MYH1: variants seen among roughly 807,000 people sequenced by gnomAD.
MYH1 encodes the protein myosin-1.
MYH1 carries 214 observed loss-of-function variants against 225.6 expected under a neutral mutation model. The observed-to-expected ratio is 0.95, with a 90% confidence interval of 0.85 to 1.06. The LOEUF (loss-of-function observed/expected upper bound fraction) is 1.06. MYH1 is among the 50% of genes least tolerant of loss of function. MYH1 has a pLI of 0.00. For missense variants in MYH1, 2,098 were observed against 2,344.2 expected (o/e 0.89, Z 2.17); for synonymous variants, 774 against 842.3 (o/e 0.92, Z 1.40).
At chr17:10,510,305 A>G (rs1427790274) in intron 14 of MYH1, among the ~76,000 whole-genome samples, 1 of 152,180 alleles carries the variant, frequency 6.6e-6, no homozygotes, top group Non-Finnish European at 1.5e-5. Context: ...TCAACAGCTA[A>G]TATTTGGTGA....
At chr17:10,509,427 A>G in intron 15 of MYH1, 58 bp downstream of exon 15, 1 of 1,604,210 alleles carries the variant, frequency 6.2e-7, no homozygotes, top group Non-Finnish European at 8.5e-7. Context: ...AGATTTTATG[A>G]TTTTCTTTTA....
At position 10,494,924 on chromosome 17, in the gene MYH1, G is replaced by C. The variant is rs1047715498; in HGVS notation, c.5466+7C>G. 3 of 1,613,988 alleles carry C rather than the reference G, an allele frequency of 1.9e-6. No individual in the cohort carries two copies. The Admixed American group carries it at 5.0e-5, about 27-fold the overall frequency. On this transcript the variant is annotated splice_region_variant and intron_variant, in intron 37 of 39. Transcript: ENST00000226207. ...AGATAGAAATACATGCTGATTAGGA[G>C]ACCCACCCTGGCCTCCAGTTTCTGG... is the stretch of plus-strand genomic sequence containing the variant.
chr17:10,512,385 C>G (rs780325326), intron 12 of MYH1, 23 bp downstream of exon 12: 32 of 1,613,914 alleles, frequency 2.0e-5, no homozygotes, highest in Non-Finnish European at 1.3e-5. Flanking sequence ...CTCATTAAAC[C>G]CAGATGGAGA....
chr17:10,492,700 G>T, intron 39 of MYH1, 132 bp from the exon 40 acceptor site: 1 of 1,032,834 alleles, frequency 9.7e-7, no homozygotes, highest in Non-Finnish European at 1.3e-6. Context: ...CTAGAGAAAT[G>T]CTCTTGAATT....
At chr17:10,495,586 C>T (rs920270644) in intron 35 of MYH1, among the ~76,000 whole-genome samples, 1 of 151,208 alleles carries the variant, frequency 6.6e-6, no homozygotes, top group Non-Finnish European at 1.5e-5. Flanking sequence ...ACGGTGAAAC[C>T]CCGTCTCCAC....
At position 10,496,333 on chromosome 17, in the gene MYH1, C is replaced by T. The variant is rs1160887737; in HGVS notation, c.4873G>A (p.Asp1625Asn). The T allele has an allele frequency of 6.2e-7, 1 of 1,613,922 alleles. No individual in the cohort carries two copies. Among genetic ancestry groups the T allele is most frequent in the Non-Finnish European group, 8.5e-7 (1 of 1,180,010 alleles). Reference protein sequence around the residue: ...AIRLKKKMEGDLNEMEIQLNH... With the variant: ...AIRLKKKMEGNLNEMEIQLNH... ...AGCTGGATTTCCATTTCATTGAGGT[C>T]TCCCTCCATCTTCTTCTTGAGCCTA... Residue 1625 changes from aspartate to asparagine, a missense_variant, in exon 34 of 40, where the codon GAC becomes AAC. Physicochemically the swap from Asp to Asn is conservative, Grantham distance 23 (BLOSUM62 1). Coordinates refer to ENST00000226207, the MANE Select transcript of MYH1 (RefSeq NM_005963.4).
chr17:10,500,456 A>G (rs1245737779), intron 28 of MYH1, among the ~76,000 whole-genome samples, 170 bp downstream of exon 28: 1 of 151,960 alleles, frequency 6.6e-6, no homozygotes, highest in Non-Finnish European at 1.5e-5. Context: ...TCTCTCGTAT[A>G]TATATGAAAG....
rs1374904630 is a variant in MYH1 at position 10,494,588 on chromosome 17, AC to A, written c.5551del (p.Val1851Ter). On this transcript the variant is annotated frameshift_variant, in exon 38 of 40. Coordinates refer to ENST00000226207, the MANE Select transcript of MYH1 (RefSeq NM_005963.4). LOFTEE classifies it high-confidence loss of function. ...CCTTACTTGGTAAGTGAGTTCCTTC[AC>A]TTTTCTCTCATGTTTGCGTAGACCC... is the stretch of plus-strand genomic sequence containing the variant. ...VKGLRKHERK[V>X]KELTYQTEED... The A allele has an allele frequency of 6.2e-7, 1 of 1,613,892 alleles. No homozygotes were observed. Among genetic ancestry groups the A allele is most frequent in the Non-Finnish European group, 8.5e-7 (1 of 1,179,972 alleles).
At position 10,512,667 on chromosome 17, in the gene MYH1, C is replaced by T; in HGVS notation, c.1008+14G>A. 2 of 1,613,052 alleles carry T rather than the reference C, an allele frequency of 1.2e-6. No homozygotes were observed. The highest frequency in any genetic ancestry group is 1.7e-6 in the Non-Finnish European group (2 of 1,179,076). Reference sequence around the variant, plus strand: ...GCATAATGGATTTTAAATTAAAATTCATGTATAACTTACATCTGTAGCCAT... The same window carrying T: ...GCATAATGGATTTTAAATTAAAATTTATGTATAACTTACATCTGTAGCCAT... On this transcript the variant is annotated intron_variant, in intron 11 of 39. Coordinates refer to ENST00000226207, the MANE Select transcript of MYH1 (RefSeq NM_005963.4).
chr17:10,511,887 C>T lies in MYH1; in HGVS notation c.1368G>A (p.Arg456=), dbSNP rs759413312. The change falls in exon 14 of 40, where the codon AGG becomes AGA. Residue 456 remains arginine (R), a synonymous_variant. Transcript: ENST00000226207. ...INQQLDTKQP[R]QYFIGVLDIA... ...TGTCCAAGACCCCAATGAAGTACTGCCTGGGCTGCTTGGTGTCCAGCTGCT... is the reference window on the plus strand; with the variant it reads ...TGTCCAAGACCCCAATGAAGTACTGTCTGGGCTGCTTGGTGTCCAGCTGCT... The T allele has an allele frequency of 1.9e-6, 3 of 1,614,192 alleles. No homozygotes were observed. Among genetic ancestry groups the T allele is most frequent in the Non-Finnish European group, 2.5e-6 (3 of 1,180,038 alleles).
chr17:10,494,558 A>G lies in MYH1; in HGVS notation c.5571+11T>C. The G allele has an allele frequency of 6.2e-7, 1 of 1,613,340 alleles. No homozygotes were observed. Reference sequence around the variant, plus strand: ...ACTAAAGTGAAAACCTAGACAGGCCATTTTCCTTACTTGGTAAGTGAGTTC... The same window carrying G: ...ACTAAAGTGAAAACCTAGACAGGCCGTTTTCCTTACTTGGTAAGTGAGTTC... On this transcript the variant is annotated intron_variant, in intron 38 of 39. Transcript: ENST00000226207.
intron 33 of MYH1, 105 bp downstream of exon 33, chr17:10,496,964 A>C (rs1487630138): frequency 6.8e-7 from 1 of 1,460,966 alleles, no homozygotes; most frequent in Non-Finnish European, 9.2e-7. Flanking sequence ...TCCCTAGTTC[A>C]TGGAGCAAAA....
intron 16 of MYH1, 115 bp downstream of exon 16, chr17:10,508,248 A>C (rs2073135044): frequency 1.7e-6 from 2 of 1,205,640 alleles, no homozygotes; most frequent in African/African-American, 3.1e-5. Context: ...TGAACTCCTG[A>C]CCTCAGGCAA....
chr17:10,497,469 G>A lies in MYH1; in HGVS notation c.4366-17C>T. ...TGCCAGGATCTGAAGGTCAAGGAATGGACAAGAAATTTAGTGGACAAAATT... is the reference window on the plus strand; with the variant it reads ...TGCCAGGATCTGAAGGTCAAGGAATAGACAAGAAATTTAGTGGACAAAATT... On this transcript the variant is annotated splice_polypyrimidine_tract_variant and intron_variant, in intron 31 of 39. Coordinates refer to ENST00000226207, the MANE Select transcript of MYH1 (RefSeq NM_005963.4). 3 of 1,590,290 alleles carry A rather than the reference G, an allele frequency of 1.9e-6. No individual in the cohort carries two copies. Among genetic ancestry groups the A allele is most frequent in the Non-Finnish European group, 2.6e-6 (3 of 1,174,314 alleles).
At position 10,508,742 on chromosome 17, in the gene MYH1, T is replaced by A. The variant is rs942266107; in HGVS notation, c.1588-70A>T. ...TTATAGAAATAACATTTAACATTAA[T>A]AATTATCCCATCTGAGTAAATTCAT... On this transcript the variant is annotated intron_variant, in intron 15 of 39. Transcript: ENST00000226207. The A allele has an allele frequency of 5.2e-6, 8 of 1,548,390 alleles. No individual in the cohort carries two copies. In the South Asian group the frequency reaches 8.6e-5, roughly 17 times the overall value.
At chr17:10,510,112 A>G (rs953251803) in intron 14 of MYH1, among the ~76,000 whole-genome samples, 5 of 152,082 alleles carry the variant, frequency 3.3e-5, no homozygotes, top group African/African-American at 1.2e-4. Context: ...CAGCTTACCT[A>G]TGTCGCAAAC....
chr17:10,505,610 T>G, intron 19 of MYH1, 99 bp from the exon 20 acceptor site: 7 of 1,462,422 alleles, frequency 4.8e-6, no homozygotes, highest in Non-Finnish European at 6.5e-6. Context: ...TAATCTGAAA[T>G]AAACAAGAAA....
In MYH1 at chr17:10,495,980, G is replaced by A. The variant is rs1309194114; in HGVS notation, c.5139C>T (p.Ala1713=). ...TGTGCAGGAGCTGAACACGCTCACT[G>A]GCATCCAGGAGCTCCTGTTCTGCGA... ...RKIAEQELLD[A]SERVQLLHTQ... The change falls in exon 35 of 40, where the codon GCC becomes GCT. Residue 1713 remains alanine (A), a synonymous_variant. Transcript: ENST00000226207. 6 of 1,613,862 alleles carry A rather than the reference G, an allele frequency of 3.7e-6. No individual in the cohort carries two copies. The African/African-American group carries it at 4.0e-5, about 11-fold the overall frequency.
intron 17 of MYH1, 106 bp from the exon 18 acceptor site, chr17:10,506,205 T>C (rs1255812421): frequency 7.1e-7 from 1 of 1,400,910 alleles, no homozygotes; most frequent in Non-Finnish European, 9.8e-7. Flanking sequence ...TTCTAATGAA[T>C]AGTATCCAGA....
Sources: allele counts gnomAD v4.1 joint callset (sites outside exome capture counted in the v4.1 genomes callset), GRCh38; gene constraint gnomAD v4.1.1; transcripts MANE v1.5; gene names NCBI Gene and HGNC (gene_info 2026-07-23, HGNC 2026-07-21).